TBC1D17: variants seen among roughly 807,000 people sequenced by gnomAD.
The protein encoded by TBC1D17 is TBC1 domain family member 17.
A neutral mutation model predicts 78.8 loss-of-function variants in TBC1D17; 69 were observed. The ratio of observed to expected loss-of-function variants is 0.88; its 90% CI spans 0.72 to 1.07. The LOEUF (loss-of-function observed/expected upper bound fraction) is 1.07. Ranked by LOEUF, TBC1D17 falls within the 50% of genes least tolerant of loss-of-function variation. The pLI, the probability that TBC1D17 is intolerant of heterozygous loss-of-function variation, is 0.00. For missense variants in TBC1D17, 957 were observed against 861.0 expected, an observed-to-expected ratio of 1.11 and a Z score of -1.39; for synonymous variants, 456 against 358.3, an observed-to-expected ratio of 1.27 and a Z score of -3.08.
chr19:49,885,974 C>CAAAAA (rs972298479), intron 13 of TBC1D17, among the ~76,000 whole-genome samples: 1 of 43,556 alleles, frequency 2.3e-5, no homozygotes, highest in African/African-American at 9.2e-5. Flanking sequence ...GACCTTGCCT[C>CAAAAA]AAAAAAAAAA....
Position 49,882,232 on chromosome 19 carries a change from T to C in TBC1D17, c.640-10T>C, listed in dbSNP as rs201981042. On this transcript the variant is annotated splice_polypyrimidine_tract_variant and intron_variant, in intron 6 of 16. Coordinates refer to ENST00000221543, the MANE Select transcript of TBC1D17 (RefSeq NM_024682.3). ...GGCGGGCCGTGACCTCCCTTTGGCC[T>C]CGTCCCCAGCGCTTCCTCCAGGATC... The C allele has an allele frequency of 3.7e-6, 6 of 1,612,384 alleles. No individual in the cohort carries two copies. Among genetic ancestry groups the C allele is most frequent in the Non-Finnish European group, 5.1e-6 (6 of 1,179,900 alleles).
chr19:49,881,412 A>T lies in TBC1D17; in HGVS notation c.464A>T (p.His155Leu). The T allele has an allele frequency of 6.2e-7, 1 of 1,612,754 alleles. No homozygotes were observed. Among genetic ancestry groups the T allele is most frequent in the Non-Finnish European group, 8.5e-7 (1 of 1,179,962 alleles). ...GCTGGAGGTTCCCTGCCCGCACTGCACTTCCACCGCGGGGGCACCCGCGCC... is the reference window on the plus strand; with the variant it reads ...GCTGGAGGTTCCCTGCCCGCACTGCTCTTCCACCGCGGGGGCACCCGCGCC... ...TQAGGSLPAL[H>L]FHRGGTRALL... The change falls in exon 5 of 17, where the codon CAC becomes CTC. Residue 155 changes from histidine to leucine, a missense_variant. Transcript: ENST00000221543.
chr19:49,883,241 T>A (rs1325519844), intron 9 of TBC1D17, among the ~76,000 whole-genome samples, 165 bp downstream of exon 9: 1 of 152,228 alleles, frequency 6.6e-6, no homozygotes, highest in East Asian at 1.9e-4. Context: ...CTCACCCCTG[T>A]ATGGTCTGTC....
At chr19:49,878,368 G>C (rs1388106216) in intron 2 of TBC1D17, 127 bp downstream of exon 2, 5 of 1,227,494 alleles carry the variant, frequency 4.1e-6, no homozygotes, top group African/African-American at 3.0e-5. Flanking sequence ...CTGGGTGTGG[G>C]AACTGGAATG....
At chr19:49,883,098 C>G in intron 9 of TBC1D17, 22 bp downstream of exon 9, 1 of 1,584,418 alleles carries the variant, frequency 6.3e-7, no homozygotes, top group Non-Finnish European at 8.6e-7. Flanking sequence ...GGAGGCCCTG[C>G]CCTGCCAGGC....
intron 13 of TBC1D17, chr19:49,885,684 C>T (rs1264068109): frequency 2.6e-5 from 4 of 151,274 alleles, no homozygotes; most frequent in Non-Finnish European, 4.4e-5. Flanking sequence ...AAAAATTAGC[C>T]TGGGCGCAAT....
chr19:49,883,537 G>A (rs1202790891), intron 9 of TBC1D17, 114 bp from the exon 10 acceptor site: 5 of 798,800 alleles, frequency 6.3e-6, no homozygotes, highest in African/African-American at 3.4e-5. Context: ...GCTTGGGTCT[G>A]TGTGGTCAGG....
In TBC1D17 at chr19:49,888,641, C is replaced by T. The variant is rs776419604; in HGVS notation, c.*17C>T. ...GACTCCTAACCCCGCCAGGCAGCCT[C>T]GTTCTGCACAGGCACTTTAGCCCGA... On this transcript the variant is annotated 3_prime_UTR_variant, in exon 17 of 17. Coordinates refer to ENST00000221543, the MANE Select transcript of TBC1D17 (RefSeq NM_024682.3). 38 of 1,527,020 alleles carry T rather than the reference C, an allele frequency of 2.5e-5. No individual in the cohort carries two copies. The East Asian group carries it at 3.2e-4, about 13-fold the overall frequency. 94.6% of individuals were successfully genotyped at this position (1,527,020 alleles called of 1,614,324 possible).
intron 7 of TBC1D17, 45 bp from the exon 8 acceptor site, chr19:49,882,719 C>T: frequency 6.7e-7 from 1 of 1,483,450 alleles, no homozygotes. Flanking sequence ...TTGGGTCCCC[C>T]CACCACCCCG....
In TBC1D17 at chr19:49,882,264, C is replaced by A. The variant is rs750628693; in HGVS notation, c.662C>A (p.Ser221Tyr). 1 of 1,612,332 alleles carries A rather than the reference C, an allele frequency of 6.2e-7. No homozygotes were observed. Among genetic ancestry groups the A allele is most frequent in the South Asian group, 1.1e-5 (1 of 91,088 alleles). ...VVSRFLQDPY[S>Y]TTFSSFSRVT... ...CAGCGCTTCCTCCAGGATCCCTACT[C>A]CACCACCTTCAGCAGCTTCTCCCGA... The change falls in exon 7 of 17, where the codon TCC becomes TAC. Residue 221 changes from serine (S) to tyrosine (Y), a missense_variant. Physicochemically the swap from Ser to Tyr is moderately radical, Grantham distance 144. Coordinates refer to ENST00000221543, the MANE Select transcript of TBC1D17 (RefSeq NM_024682.3).
At chr19:49,883,549 AG>A in intron 9 of TBC1D17, 101 bp from the exon 10 acceptor site, 1 of 923,882 alleles carries the variant, frequency 1.1e-6, no homozygotes, top group Non-Finnish European at 1.7e-6. Flanking sequence ...GTGGTCAGGG[AG>A]GGGCTCTGCA....
At position 49,882,068 on chromosome 19, in the gene TBC1D17, T is replaced by C; in HGVS notation, c.555T>C (p.Leu185=). 3 of 1,614,050 alleles carry C rather than the reference T, an allele frequency of 1.9e-6. No homozygotes were observed. Among genetic ancestry groups the C allele is most frequent in the Non-Finnish European group, 1.7e-6 (2 of 1,179,980 alleles). ...ASSPQDSRLY[L]VFPHDSSALS... is the part of the protein sequence containing the mutation. The stretch of plus-strand genomic sequence containing the variant: ...CCCCGCAGGACTCCCGCCTCTACCT[T>C]GTCTTCCCCCACGACTCCTCTGCTC... The change falls in exon 6 of 17, where the codon CTT becomes CTC. Residue 185 remains leucine (L), a synonymous_variant. Transcript: ENST00000221543.
At chr19:49,881,866 G>A (rs1472476337) in intron 5 of TBC1D17, among the ~76,000 whole-genome samples, 175 bp from the exon 6 acceptor site, 1 of 152,126 alleles carries the variant, frequency 6.6e-6, no homozygotes, top group Non-Finnish European at 1.5e-5. Context: ...CCCGAGTCAT[G>A]TGCCCACCCC....
intron 13 of TBC1D17, chr19:49,887,121 G>A (rs1375906818): frequency 2.8e-5 from 9 of 324,136 alleles, no homozygotes; most frequent in South Asian, 7.8e-5. Flanking sequence ...ACAGGCGTGC[G>A]CCATCGCACC....
Position 49,881,278 on chromosome 19 carries a change from C to T in TBC1D17, c.330C>T (p.Pro110=), listed in dbSNP as rs749890139. 1.7e-5 allele frequency: 27 copies of T among 1,612,696 alleles called. No homozygotes were observed. In the South Asian group the frequency reaches 3.0e-4, roughly 18 times the overall value. ...GTGCCGTCTCCCTAGGTGCAGAGCC[C>T]AGCTGCCCCCAGGGCTCCTGGGCCT... is the stretch of plus-strand genomic sequence containing the variant. The part of the protein sequence containing the change: ...CHSEPTRGAE[P]SCPQGSWAFS... The change falls in exon 5 of 17, where the codon CCC becomes CCT. Residue 110 remains proline (P), a synonymous_variant. Coordinates refer to ENST00000221543, the MANE Select transcript of TBC1D17 (RefSeq NM_024682.3).
intron 5 of TBC1D17, among the ~76,000 whole-genome samples, 166 bp from the exon 6 acceptor site, chr19:49,881,875 C>A (rs1026568867): frequency 3.9e-5 from 6 of 152,154 alleles, no homozygotes; most frequent in Non-Finnish European, 8.8e-5. Flanking sequence ...TGTGCCCACC[C>A]CTGGGATCCA....
intron 7 of TBC1D17, 125 bp from the exon 8 acceptor site, chr19:49,882,639 G>C: frequency 7.1e-7 from 1 of 1,416,986 alleles, no homozygotes; most frequent in Non-Finnish European, 9.2e-7. Context: ...GGAAGAGGCT[G>C]CTGCCTGCCC....
At position 49,887,593 on chromosome 19, in the gene TBC1D17, C is replaced by A; in HGVS notation, c.1542+20C>A. 1.2e-6 allele frequency: 2 copies of A among 1,613,408 alleles called. No homozygotes were observed. The highest frequency in any genetic ancestry group is 8.5e-7 in the Non-Finnish European group (1 of 1,179,536). ...TGGGAGGTGGGCCAGCCAGTTTGGGCGAGAGGCCTGAAGGGGTGGGCTCAC... is the reference window on the plus strand; with the variant it reads ...TGGGAGGTGGGCCAGCCAGTTTGGGAGAGAGGCCTGAAGGGGTGGGCTCAC... On this transcript the variant is annotated intron_variant, in intron 14 of 16. Transcript: ENST00000221543.
Position 49,884,671 on chromosome 19 carries a change from G to T in TBC1D17, c.1357G>T (p.Glu453Ter), listed in dbSNP as rs752942176. The change falls in exon 13 of 17, where the codon GAA becomes TAA. Residue 453 changes from glutamate to a stop codon, truncating the protein, a stop_gained. Transcript: ENST00000221543. LOFTEE classifies it high-confidence loss of function. ...GFMELVQGNF[E>*]ESQETMKRQL... ...TTCCGTCCCACAGCAAGGGAACTTT[G>T]AAGAGAGCCAGGAGACCATGAAGCG... The T allele has an allele frequency of 3.1e-6, 5 of 1,614,126 alleles. No homozygotes were observed. In the South Asian group the frequency reaches 4.4e-5, roughly 14 times the overall value.
Sources: gnomAD v4.1 joint callset for allele counts (sites outside exome capture counted in the v4.1 genomes callset) on GRCh38, gnomAD v4.1.1 for gene constraint, MANE v1.5 for transcripts, NCBI Gene and HGNC (gene_info 2026-07-23, HGNC 2026-07-21) for gene names.